Variants in VPS41 observed in about 807,000 individuals in gnomAD.
VPS41 encodes the protein vacuolar protein sorting-associated protein 41 homolog.
VPS41 carries 85 observed loss-of-function variants against 130.9 expected under a neutral mutation model. The ratio of observed to expected loss-of-function variants is 0.65; its 90% CI spans 0.55 to 0.78. VPS41 has a LOEUF of 0.78. Among genes scored for constraint, VPS41 ranks in the 30% least tolerant of loss-of-function variants. The pLI, the probability that VPS41 is intolerant of heterozygous loss-of-function variation, is 0.00. For synonymous variants in VPS41, 335 were observed against 332.9 expected, an observed-to-expected ratio of 1.01 and a Z score of -0.07; for missense variants, 874 against 1,018.7, an observed-to-expected ratio of 0.86 and a Z score of 1.93.
At chr7:38,766,989 A>T (rs1584384661) in intron 15 of VPS41, among the ~76,000 whole-genome samples, 1 of 152,098 alleles carries the variant, frequency 6.6e-6, no homozygotes, top group South Asian at 2.1e-4. Context: ...AGATTCAGAT[A>T]CCCTAAGCTC....
chr7:38,756,561 A>C (rs1481084632), intron 19 of VPS41, among the ~76,000 whole-genome samples: 1 of 152,206 alleles, frequency 6.6e-6, no homozygotes, highest in Non-Finnish European at 1.5e-5. Flanking sequence ...GAATTGTTTT[A>C]GCAAGAAATT....
intron 1 of VPS41, among the ~76,000 whole-genome samples, chr7:38,898,523 T>G (rs1787064731): frequency 6.6e-6 from 1 of 152,274 alleles, no homozygotes; most frequent in African/African-American, 2.4e-5. Context: ...GTTCTTGTGC[T>G]ATTAATTATC....
intron 4 of VPS41, among the ~76,000 whole-genome samples, chr7:38,849,700 C>T (rs562227934): frequency 6.6e-6 from 1 of 152,286 alleles, no homozygotes; most frequent in South Asian, 2.1e-4. Flanking sequence ...TGCTGATGTG[C>T]TCCTCTGGAC....
At chr7:38,861,416 C>G (rs1385014627) in intron 4 of VPS41, among the ~76,000 whole-genome samples, 3 of 152,224 alleles carry the variant, frequency 2.0e-5, no homozygotes, top group Non-Finnish European at 4.4e-5. Flanking sequence ...TTTTGGTCAT[C>G]AAGATGCATG....
intron 22 of VPS41, among the ~76,000 whole-genome samples, chr7:38,750,787 T>G (rs926527511): frequency 1.3e-5 from 2 of 152,070 alleles, no homozygotes; most frequent in Admixed American, 6.6e-5. Context: ...CTGCATCTTG[T>G]GCTTAGGGAA....
chr7:38,840,702 T>C (rs985109840), intron 4 of VPS41, among the ~76,000 whole-genome samples: 1 of 152,094 alleles, frequency 6.6e-6, no homozygotes, highest in Non-Finnish European at 1.5e-5. Context: ...AAATAAACAT[T>C]AAATGTAAAA....
At chr7:38,789,688 G>A in intron 10 of VPS41, 113 bp downstream of exon 10, 2 of 950,680 alleles carry the variant, frequency 2.1e-6, no homozygotes, top group African/African-American at 1.6e-5. Flanking sequence ...AACCAGTTAG[G>A]AGGCTGCTGC....
rs190223228 is a variant in VPS41, at chr7:38,856,356, T to C, written c.246+6189A>G. Reference sequence around the variant, plus strand: ...GTCCCCAATTCTAAATACCATCACATTGAGGGTTAGGACCTCAACATATGA... The same window carrying C: ...GTCCCCAATTCTAAATACCATCACACTGAGGGTTAGGACCTCAACATATGA... On this transcript the variant is annotated intron_variant, in intron 4 of 28. Coordinates refer to ENST00000310301, the MANE Select transcript of VPS41 (RefSeq NM_014396.4). 3.9e-4 allele frequency among the ~76,000 whole-genome samples: 59 copies of C among 152,178 alleles called. No individual in the cohort carries two copies. In the East Asian group the frequency reaches 7.5e-3, roughly 19 times the overall value.
At chr7:38,812,498 G>C (rs1784963925) in intron 7 of VPS41, among the ~76,000 whole-genome samples, 1 of 152,056 alleles carries the variant, frequency 6.6e-6, no homozygotes. Flanking sequence ...TGATCTCTTA[G>C]ATACAACACC....
At chr7:38,797,102 C>G (rs2115990258) in intron 7 of VPS41, 1 of 364,502 alleles carries the variant, frequency 2.7e-6, no homozygotes, top group Non-Finnish European at 5.0e-6. Flanking sequence ...AAGGCCAAGC[C>G]ACAAGGTGGC....
At chr7:38,732,751 G>A (rs1312082157) in intron 25 of VPS41, among the ~76,000 whole-genome samples, 2 of 152,138 alleles carry the variant, frequency 1.3e-5, no homozygotes, top group African/African-American at 2.4e-5. Context: ...CATTCCATAA[G>A]GAACTGAGGA....
intron 5 of VPS41, among the ~76,000 whole-genome samples, chr7:38,821,923 G>C (rs1785179980): frequency 6.6e-6 from 1 of 151,724 alleles, no homozygotes; most frequent in African/African-American, 2.4e-5. Context: ...TGTCCCTAAA[G>C]GAACTATTTT....
chr7:38,733,985 T>C (rs1224814569), intron 25 of VPS41, among the ~76,000 whole-genome samples: 2 of 152,050 alleles, frequency 1.3e-5, no homozygotes, highest in Non-Finnish European at 2.9e-5. Context: ...ACTCCAGAGG[T>C]TGAAGTGAAA....
At chr7:38,804,410 A>C (rs904257655) in intron 7 of VPS41, among the ~76,000 whole-genome samples, 4 of 152,118 alleles carry the variant, frequency 2.6e-5, no homozygotes, top group African/African-American at 9.7e-5. Flanking sequence ...TTTAGCTCCC[A>C]CTTACAAATG....
chr7:38,776,707 G>A lies in VPS41; in HGVS notation c.854C>T (p.Ser285Leu), dbSNP rs1468635506. 14 of 1,610,204 alleles carry A rather than the reference G, an allele frequency of 8.7e-6. No individual in the cohort carries two copies. The African/African-American group carries it at 1.2e-4, about 14-fold the overall frequency. The change falls in exon 11 of 29, where the codon TCG (serine) becomes TTG (leucine). Residue 285 changes from serine (S) to leucine (L), a missense_variant. Ser to Leu is a moderately radical substitution (Grantham distance 145). Transcript: ENST00000310301. ...APLCDQLVVL[S>L]YVKEISEKTE... is the part of the protein sequence containing the mutation. Reference sequence around the variant, plus strand: ...TTTTTCTGAAATCTCCTTTACATACGAAAGTACAACAAGCTGATCACAGAG... The same window carrying A: ...TTTTTCTGAAATCTCCTTTACATACAAAAGTACAACAAGCTGATCACAGAG...
intron 3 of VPS41, among the ~76,000 whole-genome samples, chr7:38,867,018 T>C (rs895368404): frequency 2.6e-5 from 4 of 152,212 alleles, no homozygotes; most frequent in Non-Finnish European, 5.9e-5. Flanking sequence ...ACATCATGAA[T>C]GAACCTCAAA....
chr7:38,740,495 T>G (rs2286102), intron 25 of VPS41, among the ~76,000 whole-genome samples: 55,134 of 152,016 alleles, frequency 0.36, 10,558 homozygotes, highest in Admixed American at 0.56. Context: ...TATTTTTATT[T>G]CCTTCTTGAC....
At position 38,726,216 on chromosome 7, in the gene VPS41, G is replaced by C. The variant is rs187606597; in HGVS notation, c.*30C>G. 2.1e-5 allele frequency: 32 copies of C among 1,501,496 alleles called. No homozygotes were observed. The highest frequency in any genetic ancestry group is 1.2e-5 in the Non-Finnish European group (13 of 1,077,360). The allele number at this position is 1,501,496 out of a possible 1,614,324, so 93.0% of individuals were successfully genotyped here. A position where few individuals can be genotyped will look rare whatever the true frequency, so the allele number is the denominator to read the frequency against. ...TGCAAAAACAGTCTCAAAAAGAGTG[G>C]TGACAAGGAGACTGACAAGGAGAAA... is the stretch of plus-strand genomic sequence containing the variant. On this transcript the variant is annotated 3_prime_UTR_variant, in exon 29 of 29. Coordinates refer to ENST00000310301, the MANE Select transcript of VPS41 (RefSeq NM_014396.4).
chr7:38,835,043 C>G (rs537202695), intron 4 of VPS41, among the ~76,000 whole-genome samples: 36 of 151,902 alleles, frequency 2.4e-4, no homozygotes, highest in Non-Finnish European at 4.1e-4. Flanking sequence ...GAGTTTTATA[C>G]ATACATCATT....
Sources: gnomAD v4.1 joint callset for allele counts (sites outside exome capture counted in the v4.1 genomes callset) on GRCh38, gnomAD v4.1.1 for gene constraint, MANE v1.5 for transcripts, NCBI Gene and HGNC (gene_info 2026-07-23, HGNC 2026-07-21) for gene names.